ANK3: variants seen among roughly 807,000 people sequenced by gnomAD.
ANK3 encodes the protein ankyrin 3, also known as ankyrin-3.
In ANK3, 57 loss-of-function variants were observed where a neutral mutation model predicts 370.9. The ratio of observed to expected loss-of-function variants is 0.15; its 90% CI spans 0.12 to 0.19. The LOEUF (loss-of-function observed/expected upper bound fraction) is 0.19. Ranked by LOEUF, ANK3 falls within the 10% of genes least tolerant of loss-of-function variation. The pLI is 1.00. For synonymous variants in ANK3, 1,929 were observed against 1,946.3 expected (o/e 0.99, Z 0.23); for missense variants, 4,439 against 5,302.1 (o/e 0.84, Z 5.06).
chr10:60,192,692 G>A (rs1163534968), intron 16 of ANK3, among the ~76,000 whole-genome samples: 1 of 152,122 alleles, frequency 6.6e-6, no homozygotes, highest in East Asian at 1.9e-4. Flanking sequence ...GACTTGGAAA[G>A]GTGGGACGGT....
At chr10:60,133,124 C>T (rs1436628263) in intron 25 of ANK3, among the ~76,000 whole-genome samples, 3 of 152,212 alleles carry the variant, frequency 2.0e-5, no homozygotes, top group Admixed American at 2.0e-4. Flanking sequence ...CTACCTATTG[C>T]TTAACTTCTA....
intron 1 of ANK3, among the ~76,000 whole-genome samples, chr10:60,327,690 A>C (rs1392354713): frequency 6.6e-6 from 1 of 152,118 alleles, no homozygotes; most frequent in Non-Finnish European, 1.5e-5. Flanking sequence ...CTTCTGTTTG[A>C]TATCTTTTTA....
intron 40 of ANK3, among the ~76,000 whole-genome samples, chr10:60,060,920 C>T (rs771571960): frequency 6.6e-6 from 1 of 152,098 alleles, no homozygotes; most frequent in African/African-American, 2.4e-5. Flanking sequence ...GGAACGAATC[C>T]CTTGTTTTAA....
intron 1 of ANK3, among the ~76,000 whole-genome samples, chr10:60,644,763 G>A (rs1362558621): frequency 6.7e-6 from 1 of 148,854 alleles, no homozygotes; most frequent in Non-Finnish European, 1.5e-5. Context: ...CATGTAGTAG[G>A]GAGGTATTCA....
At chr10:60,361,671 G>A (rs1307052540) in intron 1 of ANK3, among the ~76,000 whole-genome samples, 1 of 152,160 alleles carries the variant, frequency 6.6e-6, no homozygotes, top group African/African-American at 2.4e-5. Flanking sequence ...AAGTGGAAGA[G>A]ATGTAGTCCA....
chr10:60,729,962 A>G (rs372876183), intron 1 of ANK3, among the ~76,000 whole-genome samples: 1 of 152,114 alleles, frequency 6.6e-6, no homozygotes, highest in Non-Finnish European at 1.5e-5. Context: ...GGAAAAATCT[A>G]TGTCCTTTTG....
At chr10:60,520,502 C>A (rs1052573923) in intron 2 of ANK3, among the ~76,000 whole-genome samples, 4 of 152,074 alleles carry the variant, frequency 2.6e-5, no homozygotes, top group African/African-American at 9.7e-5. Flanking sequence ...GAAAAGAAGT[C>A]ATGAAATAAG....
chr10:60,574,364 G>C (rs531285830), intron 2 of ANK3, among the ~76,000 whole-genome samples: 1 of 152,126 alleles, frequency 6.6e-6, no homozygotes. Flanking sequence ...TGAGGTGTGC[G>C]CATTAATTAT....
chr10:60,466,027 C>T (rs1388327569), intron 2 of ANK3, among the ~76,000 whole-genome samples: 3 of 152,052 alleles, frequency 2.0e-5, no homozygotes, highest in African/African-American at 7.2e-5. Flanking sequence ...AGATTCTAGC[C>T]AAGAGCTCTT....
At chr10:60,361,227 C>T (rs1325284996) in intron 1 of ANK3, among the ~76,000 whole-genome samples, 4 of 152,210 alleles carry the variant, frequency 2.6e-5, no homozygotes, top group Non-Finnish European at 4.4e-5. Context: ...CTTTACCTTT[C>T]GAATATATTT....
chr10:60,321,356 C>CA (rs200588753), intron 1 of ANK3, among the ~76,000 whole-genome samples: 3,192 of 133,002 alleles, frequency 0.024, 65 homozygotes, highest in Middle Eastern at 0.056. Flanking sequence ...GACCCTATCT[C>CA]AAAAAAAACA....
chr10:60,335,589 C>A (rs2132956171), intron 1 of ANK3, among the ~76,000 whole-genome samples: 1 of 152,240 alleles, frequency 6.6e-6, no homozygotes, highest in East Asian at 1.9e-4. Flanking sequence ...TATATAAACA[C>A]AGGCAATGAA....
chr10:60,477,506 C>CAT (rs2075098555), intron 2 of ANK3, among the ~76,000 whole-genome samples: 1 of 139,038 alleles, frequency 7.2e-6, no homozygotes, highest in Non-Finnish European at 1.6e-5. Flanking sequence ...TACTGACAGA[C>CAT]AGACAGACAT....
chr10:60,294,958 G>A (rs1015114332), intron 1 of ANK3, among the ~76,000 whole-genome samples: 11 of 152,132 alleles, frequency 7.2e-5, no homozygotes, highest in African/African-American at 2.7e-4. Context: ...AACAAAAAAT[G>A]AAACAAGGAA....
At chr10:60,283,781 C>A (rs1216516885) in intron 1 of ANK3, among the ~76,000 whole-genome samples, 4 of 152,076 alleles carry the variant, frequency 2.6e-5, no homozygotes, top group Non-Finnish European at 5.9e-5. Context: ...AAAGAATAAG[C>A]ATTTTCAGAG....
chr10:60,614,934 A>C (rs1016767333), intron 2 of ANK3, among the ~76,000 whole-genome samples: 1 of 152,142 alleles, frequency 6.6e-6, no homozygotes, highest in Non-Finnish European at 1.5e-5. Context: ...TGTGAAACAC[A>C]ACTAATAGCA....
chr10:60,095,495 T>C (rs1589914120), intron 28 of ANK3, among the ~76,000 whole-genome samples: 1 of 152,218 alleles, frequency 6.6e-6, no homozygotes, highest in Admixed American at 6.5e-5. Flanking sequence ...ATCCTCCCAC[T>C]TCAGCCTCCT....
intron 2 of ANK3, among the ~76,000 whole-genome samples, chr10:60,573,847 G>A (rs550596977): frequency 6.6e-6 from 1 of 152,150 alleles, no homozygotes; most frequent in Admixed American, 6.6e-5. Context: ...GAGAAAGAAG[G>A]GGAGAGAGGG....
At chr10:60,729,167 C>T (rs973040067) in intron 1 of ANK3, among the ~76,000 whole-genome samples, 4 of 152,152 alleles carry the variant, frequency 2.6e-5, no homozygotes, top group African/African-American at 9.7e-5. Flanking sequence ...CTTAACTTAA[C>T]AAACATTAAT....
Sources: allele counts gnomAD v4.1 joint callset (sites outside exome capture counted in the v4.1 genomes callset), GRCh38; gene constraint gnomAD v4.1.1; transcripts MANE v1.5; gene names NCBI Gene and HGNC (gene_info 2026-07-23, HGNC 2026-07-21).